Variants in BCR observed in about 807,000 individuals in gnomAD.
BCR encodes the protein BCR activator of RhoGEF and GTPase, also known as breakpoint cluster region protein.
In BCR, 58 loss-of-function variants were observed where a neutral mutation model predicts 138.6. That is an observed-to-expected ratio of 0.42 (90% CI 0.34 to 0.52). The LOEUF (loss-of-function observed/expected upper bound fraction) is 0.52, where lower values mean the gene tolerates loss of function less well. Ranked by LOEUF, BCR falls within the 20% of genes least tolerant of loss-of-function variation. The pLI is 0.06. For synonymous variants in BCR, 786 were observed against 730.1 expected (o/e 1.08, Z -1.23); for missense variants, 1,599 against 1,727.2 (o/e 0.93, Z 1.32).
intron 1 of BCR, among the ~76,000 whole-genome samples, chr22:23,192,160 GC>G (rs1040964340): frequency 1.3e-5 from 2 of 152,172 alleles, no homozygotes; most frequent in African/African-American, 4.8e-5. Context: ...TGCTTCATGG[GC>G]CCTCGAAAGT....
chr22:23,266,086 T>G (rs1053999244), intron 4 of BCR, among the ~76,000 whole-genome samples: 1 of 152,134 alleles, frequency 6.6e-6, no homozygotes, highest in African/African-American at 2.4e-5. Context: ...CTTGACTTTT[T>G]TTTTTTCTTT....
intron 1 of BCR, among the ~76,000 whole-genome samples, chr22:23,204,719 G>T (rs576019268): frequency 2.3e-4 from 35 of 152,340 alleles, no homozygotes; most frequent in African/African-American, 7.7e-4. Context: ...GACTGGAACA[G>T]ATTTCAGAGG....
chr22:23,271,976 C>A (rs934491885), intron 6 of BCR, among the ~76,000 whole-genome samples: 2 of 152,044 alleles, frequency 1.3e-5, no homozygotes, highest in East Asian at 3.9e-4. Context: ...CAGGCACACA[C>A]CACCACAGCC....
chr22:23,240,751 A>G (rs1356951955), intron 1 of BCR, among the ~76,000 whole-genome samples: 1 of 152,168 alleles, frequency 6.6e-6, no homozygotes, highest in Admixed American at 6.5e-5. Flanking sequence ...GTACATCCAC[A>G]TTATCATACA....
intron 8 of BCR, among the ~76,000 whole-genome samples, chr22:23,277,969 C>G (rs1312428841): frequency 6.6e-6 from 1 of 152,240 alleles, no homozygotes; most frequent in Non-Finnish European, 1.5e-5. Flanking sequence ...CCCTCCTTAG[C>G]CTTCCCAAAA....
Position 23,313,381 on chromosome 22 carries a change from T to C in BCR, c.3457+360T>C, listed in dbSNP as rs371734945. 3.7e-4 allele frequency among the ~76,000 whole-genome samples: 56 copies of C among 152,316 alleles called. No individual in the cohort carries two copies. In the East Asian group the frequency reaches 7.4e-3, roughly 20 times the overall value. On this transcript the variant is annotated intron_variant, in intron 20 of 22. Transcript: ENST00000305877. ...GTCCAGCCAAGCATGGTTTCAAACA[T>C]GACCTGACCCTTAGTCAACCTGGAG... is the stretch of plus-strand genomic sequence containing the variant.
intron 1 of BCR, among the ~76,000 whole-genome samples, chr22:23,227,097 T>C (rs1002671432): frequency 1.3e-5 from 2 of 152,154 alleles, no homozygotes; most frequent in Admixed American, 1.3e-4. Flanking sequence ...CATGCAAATA[T>C]GGAGCTGCCT....
intron 1 of BCR, among the ~76,000 whole-genome samples, chr22:23,220,757 G>T (rs2072815409): frequency 6.6e-6 from 1 of 152,200 alleles, no homozygotes; most frequent in Non-Finnish European, 1.5e-5. Flanking sequence ...TCTGTAAGAT[G>T]GGGGTAGTAA....
intron 1 of BCR, among the ~76,000 whole-genome samples, chr22:23,244,557 G>A (rs1285526257): frequency 6.6e-6 from 1 of 152,088 alleles, no homozygotes; most frequent in Non-Finnish European, 1.5e-5. Context: ...CCTCTCTCCC[G>A]TGGCCTTGTC....
At chr22:23,206,302 C>CAT (rs2072612075) in intron 1 of BCR, among the ~76,000 whole-genome samples, 1 of 152,174 alleles carries the variant, frequency 6.6e-6, no homozygotes, top group East Asian at 1.9e-4. Flanking sequence ...AGGCTGGGGG[C>CAT]GGTGGCTCAC....
chr22:23,292,274 G>A (rs936813968), intron 14 of BCR, among the ~76,000 whole-genome samples: 39 of 152,194 alleles, frequency 2.6e-4, no homozygotes, highest in African/African-American at 9.4e-4. Flanking sequence ...GCTGGGGTTT[G>A]TGGATCGACT....
At chr22:23,263,430 G>C (rs1171181347) in intron 4 of BCR, 1 of 1,330,504 alleles carries the variant, frequency 7.5e-7, no homozygotes, top group Non-Finnish European at 1.1e-6. Flanking sequence ...GAACTGGATA[G>C]TGGGGTGCTG....
chr22:23,261,477 G>A lies in BCR; in HGVS notation c.1689G>A (p.Gly563=). Residue 563 remains glycine (G), a synonymous_variant, in exon 4 of 23, where the codon GGG becomes GGA. Coordinates refer to ENST00000305877, the MANE Select transcript of BCR (RefSeq NM_004327.4). ...AGATCCACAAGGAGTTCTATGATGG[G>A]CTCTTCCCCCGCGTGCAGCAGTGGA... ...LYEIHKEFYD[G]LFPRVQQWSH... The A allele has an allele frequency of 6.2e-7, 1 of 1,613,682 alleles. No homozygotes were observed. Among genetic ancestry groups the A allele is most frequent in the Non-Finnish European group, 8.5e-7 (1 of 1,180,006 alleles).
intron 1 of BCR, among the ~76,000 whole-genome samples, chr22:23,249,197 A>C (rs1425698616): frequency 6.6e-6 from 1 of 152,104 alleles, no homozygotes; most frequent in Non-Finnish European, 1.5e-5. Context: ...TGGGAGGCCA[A>C]GGTGGGTGGA....
rs1289539504 is a variant in BCR, at chr22:23,253,792, C to T, written c.1280-7C>T. 3 of 1,607,662 alleles carry T rather than the reference C, an allele frequency of 1.9e-6. No homozygotes were observed. The highest frequency in any genetic ancestry group is 1.1e-5 in the South Asian group (1 of 90,622). ...CTCTAACACAGGATGCTTCTTTGCA[C>T]ACACAGATGGCTCGTTCGGAACACC... On this transcript the variant is annotated splice_region_variant and splice_polypyrimidine_tract_variant and intron_variant, in intron 1 of 22. Transcript: ENST00000305877.
intron 4 of BCR, chr22:23,262,194 A>G (rs954388338): frequency 3.3e-5 from 5 of 152,484 alleles, no homozygotes; most frequent in Admixed American, 3.3e-4. Flanking sequence ...CAAGTCCTCT[A>G]GGGGCAGGTG....
intron 8 of BCR, among the ~76,000 whole-genome samples, chr22:23,278,258 C>T (rs1389359405): frequency 6.6e-6 from 1 of 152,224 alleles, no homozygotes; most frequent in East Asian, 1.9e-4. Context: ...CTCCAATACC[C>T]GTTCTCTGCC....
chr22:23,251,744 C>T (rs974643090), intron 1 of BCR, among the ~76,000 whole-genome samples: 11 of 152,224 alleles, frequency 7.2e-5, no homozygotes, highest in African/African-American at 2.7e-4. Flanking sequence ...GGGCTGCTTA[C>T]AGGTGACTCA....
In BCR at chr22:23,228,333, C is replaced by T. The variant is rs367837484; in HGVS notation, c.1280-25466C>T. On this transcript the variant is annotated intron_variant, in intron 1 of 22. Transcript: ENST00000305877. ...CAGTTTCTAATTTTCCTCGAGACTT[C>T]CTTTTTCATCTGTGGATCATTTAGT... Among the ~76,000 whole-genome samples, 19 of 152,234 alleles carry T rather than the reference C, an allele frequency of 1.2e-4. No homozygotes were observed. In the East Asian group the frequency reaches 2.5e-3, roughly 20 times the overall value.
Sources: allele counts gnomAD v4.1 joint callset (sites outside exome capture counted in the v4.1 genomes callset), GRCh38; gene constraint gnomAD v4.1.1; transcripts MANE v1.5; gene names NCBI Gene and HGNC (gene_info 2026-07-23, HGNC 2026-07-21).